WIPF3: variants seen among roughly 807,000 people sequenced by gnomAD.
WIPF3 encodes the protein WAS/WASL interacting protein family member 3, also known as WAS/WASL-interacting protein family member 3.
In WIPF3, 33 loss-of-function variants were observed where a neutral mutation model predicts 38.9. The observed-to-expected ratio is 0.85, with a 90% CI of 0.64 to 1.14. WIPF3 has a LOEUF of 1.14. Among genes scored for constraint, WIPF3 ranks in the 50% most tolerant of loss-of-function variants. The pLI is 0.00. For missense variants in WIPF3, 711 were observed against 652.5 expected (o/e 1.09, Z -0.98); for synonymous variants, 324 against 269.3 (o/e 1.20, Z -1.99).
intron 1 of WIPF3, among the ~76,000 whole-genome samples, chr7:29,808,683 T>C (rs1428193659): frequency 1.1e-5 from 1 of 87,270 alleles, no homozygotes; most frequent in Non-Finnish European, 2.2e-5. Context: ...GCAGAAGGAA[T>C]GGAGGAAGTG....
intron 1 of WIPF3, among the ~76,000 whole-genome samples, chr7:29,808,071 G>A (rs980808592): frequency 6.6e-6 from 1 of 152,136 alleles, no homozygotes; most frequent in Non-Finnish European, 1.5e-5. Flanking sequence ...GAGGCTTCTG[G>A]GATGCTAGAA....
At chr7:29,819,980 A>G (rs959762225) in intron 1 of WIPF3, among the ~76,000 whole-genome samples, 8 of 152,030 alleles carry the variant, frequency 5.3e-5, no homozygotes, top group Non-Finnish European at 1.2e-4. Flanking sequence ...TGTGTCTTCT[A>G]TATTTAGAAT....
At chr7:29,905,242 C>T (rs1006292694) in intron 8 of WIPF3, 10 of 152,102 alleles carry the variant, frequency 6.6e-5, no homozygotes, top group East Asian at 1.9e-4. Context: ...ATTGCAGTAA[C>T]GATTCTTAGA....
chr7:29,833,484 T>A (rs1583595500), intron 1 of WIPF3, among the ~76,000 whole-genome samples: 1 of 152,236 alleles, frequency 6.6e-6, no homozygotes, highest in South Asian at 2.1e-4. Context: ...CCTTAGAAGA[T>A]TCTTGTAGAA....
At chr7:29,843,673 G>C (rs1784954019) in intron 2 of WIPF3, among the ~76,000 whole-genome samples, 1 of 152,186 alleles carries the variant, frequency 6.6e-6, no homozygotes, top group Non-Finnish European at 1.5e-5. Flanking sequence ...CCCTCCACCA[G>C]GTTTGTCTTT....
chr7:29,906,867 A>G (rs1269194772), intron 8 of WIPF3, among the ~76,000 whole-genome samples: 1 of 152,214 alleles, frequency 6.6e-6, no homozygotes, highest in Non-Finnish European at 1.5e-5. Context: ...TGGTGAGCCC[A>G]TATATTCCAA....
intron 8 of WIPF3, among the ~76,000 whole-genome samples, chr7:29,913,093 TCCCAG>T (rs113968482): frequency 0.14 from 21,000 of 152,150 alleles, 1,503 homozygotes; most frequent in Middle Eastern, 0.17. Flanking sequence ...ATGCCTGTAA[TCCCAG>T]CACTTTGGGA....
intron 2 of WIPF3, among the ~76,000 whole-genome samples, chr7:29,845,490 A>T (rs1284709070): frequency 6.6e-6 from 1 of 152,224 alleles, no homozygotes; most frequent in Non-Finnish European, 1.5e-5. Flanking sequence ...CATGAGAAAG[A>T]TGAGTATAGA....
chr7:29,847,203 A>G (rs773153281), intron 2 of WIPF3, among the ~76,000 whole-genome samples: 4 of 152,196 alleles, frequency 2.6e-5, no homozygotes, highest in Non-Finnish European at 5.9e-5. Context: ...ACAACTGGAT[A>G]AATAACCCGA....
At position 29,915,648 on chromosome 7, in the gene WIPF3, C is replaced by T. The variant is rs928546214; in HGVS notation, c.*1132C>T. 2.0e-5 allele frequency: 3 copies of T among 152,258 alleles called. No homozygotes were observed. Among genetic ancestry groups the T allele is most frequent in the African/African-American group, 7.2e-5 (3 of 41,440 alleles). 9.4% of individuals were successfully genotyped at this position (152,258 alleles called of 1,614,324 possible). On this transcript the variant is annotated 3_prime_UTR_variant, in exon 9 of 9. Transcript: ENST00000242140. The stretch of plus-strand genomic sequence containing the variant: ...GGAGATGTGTGCAAGCTCAGCCACT[C>T]TGAATATGGAAAAGGTCAGGCCGGG...
At chr7:29,877,131 G>A (rs1285632079) in intron 3 of WIPF3, among the ~76,000 whole-genome samples, 1 of 152,226 alleles carries the variant, frequency 6.6e-6, no homozygotes, top group Non-Finnish European at 1.5e-5. Flanking sequence ...GGAAATGTAT[G>A]ATGTGTTTAC....
In WIPF3 at chr7:29,888,500, C is replaced by CGTGTGT. The variant is rs756243450; in HGVS notation, c.1249+287_1249+292dup. Among the ~76,000 whole-genome samples, 419 of 138,758 alleles carry CGTGTGT rather than the reference C, an allele frequency of 3.0e-3. 6 individuals are homozygous for CGTGTGT. The highest frequency in any genetic ancestry group is 0.011 in the African/African-American group (392 of 36,768). The allele number at this position is 138,758 out of a possible 152,430, so 91.0% of individuals were successfully genotyped here. A position where few individuals can be genotyped will look rare whatever the true frequency, so the allele number is the denominator to read the frequency against. ...AACTGTGTGAGTGTGTGTGCGTGTG[C>CGTGTGT]GTGTGTGTGCGTGTGTGTGTGTGTG... On this transcript the variant is annotated intron_variant, in intron 6 of 8. Transcript: ENST00000242140.
chr7:29,868,823 G>A (rs893248185), intron 2 of WIPF3, among the ~76,000 whole-genome samples: 1 of 152,070 alleles, frequency 6.6e-6, no homozygotes, highest in African/African-American at 2.4e-5. Context: ...GCAGTGGTAA[G>A]TATTTGTGTA....
intron 1 of WIPF3, among the ~76,000 whole-genome samples, chr7:29,816,527 C>A (rs1462144029): frequency 6.6e-6 from 1 of 151,990 alleles, no homozygotes; most frequent in Non-Finnish European, 1.5e-5. Flanking sequence ...TAGGGACCTG[C>A]TTTGTTGCCC....
chr7:29,818,535 A>C (rs897285422), intron 1 of WIPF3, among the ~76,000 whole-genome samples: 8 of 148,442 alleles, frequency 5.4e-5, no homozygotes, highest in African/African-American at 2.0e-4. Flanking sequence ...AAATTATATA[A>C]TATTATATAT....
intron 1 of WIPF3, among the ~76,000 whole-genome samples, chr7:29,828,092 C>T (rs1784652626): frequency 6.6e-6 from 1 of 152,156 alleles, no homozygotes; most frequent in Non-Finnish European, 1.5e-5. Context: ...AGCCACTGCA[C>T]CCAGCCCACA....
chr7:29,826,466 A>G (rs1031449021), intron 1 of WIPF3, among the ~76,000 whole-genome samples: 1 of 152,178 alleles, frequency 6.6e-6, no homozygotes, highest in Non-Finnish European at 1.5e-5. Flanking sequence ...ACTGTTCCCC[A>G]AAGCCTGGTT....
chr7:29,895,813 A>G (rs770057427), intron 7 of WIPF3, among the ~76,000 whole-genome samples: 2 of 152,228 alleles, frequency 1.3e-5, no homozygotes, highest in Admixed American at 6.5e-5. Context: ...GCATCAAGCC[A>G]TAAGGGATCT....
chr7:29,846,228 G>A (rs1784998054), intron 2 of WIPF3, among the ~76,000 whole-genome samples: 1 of 152,170 alleles, frequency 6.6e-6, no homozygotes, highest in Non-Finnish European at 1.5e-5. Flanking sequence ...AATAGACCCT[G>A]TGCCTTTTGC....
Sources: allele counts gnomAD v4.1 joint callset (sites outside exome capture counted in the v4.1 genomes callset), GRCh38; gene constraint gnomAD v4.1.1; transcripts MANE v1.5; gene names NCBI Gene and HGNC (gene_info 2026-07-23, HGNC 2026-07-21).